The following OR51B5 variants were observed in gnomAD, a reference collection of about 807,000 sequenced individuals.
OR51B5 encodes olfactory receptor 51B5.
For missense variants in OR51B5, 456 were observed against 374.6 expected (o/e 1.22, Z -1.79); for synonymous variants, 186 against 144.8 (o/e 1.28, Z -2.04).
chr11:5,344,990 A>ACCTAGAGGAAAACT (rs1441471331), upstream of OR51B5, among the ~76,000 whole-genome samples: 1 of 152,176 alleles, frequency 6.6e-6, no homozygotes, highest in Non-Finnish European at 1.5e-5. Context: ...CCGTATACAG[A>ACCTAGAGGAAAACT]CCTAGAGGAA....
At chr11:5,474,229 G>C (rs1306972677) in intron 1 of OR51B5, among the ~76,000 whole-genome samples, 1 of 152,000 alleles carries the variant, frequency 6.6e-6, no homozygotes, top group East Asian at 1.9e-4. Flanking sequence ...GAAATTCAAA[G>C]AGATTACACA....
intron 1 of OR51B5, among the ~76,000 whole-genome samples, chr11:5,400,333 A>T (rs1018973612): frequency 6.6e-6 from 1 of 152,216 alleles, no homozygotes; most frequent in African/African-American, 2.4e-5. Flanking sequence ...AAATATGAAA[A>T]AATAAATTAT....
At chr11:5,352,164 T>A (rs1200372322) in intron 1 of OR51B5, 3 of 1,614,060 alleles carry the variant, frequency 1.9e-6, no homozygotes, top group Non-Finnish European at 2.5e-6. Flanking sequence ...ACATTTTGAT[T>A]CTCAAGACTG....
rs139260852 is a variant in OR51B5 at position 5,343,233 on chromosome 11, G to A, written c.292C>T (p.Gln98Ter). Residue 98 changes from glutamine (Q) to a stop codon, truncating the protein, a stop_gained, in exon 1 of 1, where the codon CAG becomes TAG. Coordinates refer to ENST00000300773, the Ensembl canonical transcript of OR51B5. LOFTEE classifies it low-confidence loss of function (END_TRUNC). ...GAAAGTGAGTGTATAAAGTAGGCCT[G>A]GGAAAAGCAGGCCGCACTTCCAATC... 480 of 1,613,724 alleles carry A rather than the reference G, an allele frequency of 3.0e-4. No homozygotes were observed. The highest frequency in any genetic ancestry group is 3.1e-4 in the Non-Finnish European group (364 of 1,179,800).
At chr11:5,346,699 G>T (rs1429033869), upstream of OR51B5, among the ~76,000 whole-genome samples, 1 of 152,060 alleles carries the variant, frequency 6.6e-6, no homozygotes, top group African/African-American at 2.4e-5. Context: ...TGAAATCTGT[G>T]CACACATCCA....
At chr11:5,427,004 A>T (rs757050540) in intron 1 of OR51B5, among the ~76,000 whole-genome samples, 1 of 152,178 alleles carries the variant, frequency 6.6e-6, no homozygotes, top group Non-Finnish European at 1.5e-5. Flanking sequence ...ATTTGTTCAC[A>T]GTGAAGTTCC....
chr11:5,363,269 A>T lies in OR51B5; in HGVS notation n.85-16359T>A, dbSNP rs1424628076. Among the ~76,000 whole-genome samples, 91 of 57,298 alleles carry T rather than the reference A, an allele frequency of 1.6e-3. 1 individual carries two copies. The highest frequency in any genetic ancestry group is 0.01 in the East Asian group (44 of 4,290). 37.6% of individuals were successfully genotyped at this position (57,298 alleles called of 152,430 possible). A position where few individuals can be genotyped will look rare whatever the true frequency, so the allele number is the denominator to read the frequency against. On this transcript the variant is annotated intron_variant and non_coding_transcript_variant, in intron 1 of 4. Transcript: ENST00000415970. ...CACACACACACACACACACACACAC[A>T]CACACACACACACACACCGGTGAGT...
At chr11:5,483,827 AGAG>A (rs1298453235) in intron 1 of OR51B5, among the ~76,000 whole-genome samples, 1 of 152,166 alleles carries the variant, frequency 6.6e-6, no homozygotes, top group African/African-American at 2.4e-5. Flanking sequence ...CCCCTTGACT[AGAG>A]GAGGCAGAAA....
upstream of OR51B5, chr11:5,343,560 T>TGTTA: frequency 1.4e-6 from 1 of 697,628 alleles, no homozygotes. Flanking sequence ...TTTCTGTTTC[T>TGTTA]GTTATTACCA....
At chr11:5,433,245 CAG>C (rs902608365) in intron 1 of OR51B5, among the ~76,000 whole-genome samples, 1 of 151,936 alleles carries the variant, frequency 6.6e-6, no homozygotes, top group African/African-American at 2.4e-5. Flanking sequence ...GCCATGAGAT[CAG>C]AGAGAAATAG....
chr11:5,497,306 A>G (rs370954), intron 1 of OR51B5, among the ~76,000 whole-genome samples: 150,335 of 152,300 alleles, frequency 0.99, 74,228 homozygotes, highest in East Asian at 1. Context: ...CAGCTACTCC[A>G]GAGGCTGAGG....
chr11:5,370,710 C>T (rs1849434335), intron 1 of OR51B5, among the ~76,000 whole-genome samples: 1 of 152,052 alleles, frequency 6.6e-6, no homozygotes, highest in African/African-American at 2.4e-5. Context: ...TTCTCTGTTC[C>T]TATGAAGCTT....
upstream of OR51B5, chr11:5,343,622 A>T (rs1193036469): frequency 2.3e-5 from 13 of 569,030 alleles, no homozygotes; most frequent in Non-Finnish European, 4.0e-5. Flanking sequence ...CATTCTCAGA[A>T]TTTTTTCCTA....
At chr11:5,358,880 C>G (rs1197430699) in intron 1 of OR51B5, among the ~76,000 whole-genome samples, 1 of 151,744 alleles carries the variant, frequency 6.6e-6, no homozygotes, top group Non-Finnish European at 1.5e-5. Flanking sequence ...TAAACAGAAC[C>G]AAAGACAAAA....
At chr11:5,472,011 CA>C (rs1269557440) in intron 1 of OR51B5, among the ~76,000 whole-genome samples, 2 of 152,152 alleles carry the variant, frequency 1.3e-5, no homozygotes, top group Admixed American at 1.3e-4. Context: ...GTTTCCCAAT[CA>C]AAGGTTCCCT....
chr11:5,420,048 T>C (rs1028733767), intron 1 of OR51B5, among the ~76,000 whole-genome samples: 1 of 151,886 alleles, frequency 6.6e-6, no homozygotes, highest in Non-Finnish European at 1.5e-5. Context: ...TTAGTTATGA[T>C]AGGTGATAGA....
At chr11:5,395,693 G>C (rs192266678) in intron 1 of OR51B5, among the ~76,000 whole-genome samples, 1 of 152,132 alleles carries the variant, frequency 6.6e-6, no homozygotes, top group Non-Finnish European at 1.5e-5. Context: ...AAAGAGGCAG[G>C]GCCCATGTGG....
intron 1 of OR51B5, among the ~76,000 whole-genome samples, chr11:5,381,169 C>T (rs12362422): frequency 6.4e-4 from 65 of 101,388 alleles, no homozygotes; most frequent in African/African-American, 1.9e-3. Context: ...TTCTCTCTCT[C>T]TCTCTCACAC....
intron 1 of OR51B5, among the ~76,000 whole-genome samples, chr11:5,464,220 A>T (rs1422950741): frequency 6.6e-6 from 1 of 152,258 alleles, no homozygotes; most frequent in Non-Finnish European, 1.5e-5. Flanking sequence ...GAAAAAGCAA[A>T]TATATTGTGA....
Sources: gnomAD v4.1 joint callset for allele counts (sites outside exome capture counted in the v4.1 genomes callset) on GRCh38, gnomAD v4.1.1 for gene constraint, MANE v1.5 for transcripts, NCBI Gene and HGNC (gene_info 2026-07-23, HGNC 2026-07-21) for gene names.